GTF2IRD1: variants seen among roughly 807,000 people sequenced by gnomAD.
GTF2IRD1 encodes the protein general transcription factor II-I repeat domain-containing protein 1.
In GTF2IRD1, 26 loss-of-function variants were observed where a neutral mutation model predicts 113.2. The observed-to-expected ratio is 0.23, with a 90% CI of 0.17 to 0.32. The LOEUF (loss-of-function observed/expected upper bound fraction) is 0.32. GTF2IRD1 is among the 10% of genes least tolerant of loss of function. GTF2IRD1 has a pLI of 1.00. For missense variants in GTF2IRD1, 864 were observed against 1,280.8 expected, an observed-to-expected ratio of 0.67 and a Z score of 4.97; for synonymous variants, 484 against 529.1, an observed-to-expected ratio of 0.91 and a Z score of 1.17.
chr7:74,561,091 G>A (rs2130796299), intron 22 of GTF2IRD1, among the ~76,000 whole-genome samples: 1 of 151,856 alleles, frequency 6.6e-6, no homozygotes, highest in Admixed American at 6.6e-5. Context: ...GCTCACACCT[G>A]TAATCCCAGC....
intron 17 of GTF2IRD1, among the ~76,000 whole-genome samples, chr7:74,552,864 C>T (rs587685080): frequency 1.3e-5 from 2 of 152,182 alleles, no homozygotes; most frequent in South Asian, 4.1e-4. Flanking sequence ...GACAGAGTCT[C>T]ACTCACTCTA....
intron 1 of GTF2IRD1, among the ~76,000 whole-genome samples, chr7:74,500,953 C>A (rs1459019523): frequency 6.6e-6 from 1 of 152,020 alleles, no homozygotes; most frequent in Non-Finnish European, 1.5e-5. Flanking sequence ...ACTCCTGCTT[C>A]TTTATGTATG....
intron 1 of GTF2IRD1, among the ~76,000 whole-genome samples, chr7:74,495,313 A>G (rs1296788630): frequency 6.6e-6 from 1 of 152,160 alleles, no homozygotes; most frequent in African/African-American, 2.4e-5. Flanking sequence ...GGACAGCCCC[A>G]GAATCTGACT....
At chr7:74,509,964 T>G (rs1796531343) in intron 2 of GTF2IRD1, among the ~76,000 whole-genome samples, 1 of 152,094 alleles carries the variant, frequency 6.6e-6, no homozygotes, top group Admixed American at 6.6e-5. Context: ...CGTGAGCCAC[T>G]GCGCCTGGCC....
chr7:74,599,021 G>A (rs1265655773), intron 25 of GTF2IRD1, among the ~76,000 whole-genome samples: 2 of 152,100 alleles, frequency 1.3e-5, no homozygotes, highest in African/African-American at 4.8e-5. Context: ...TGGGCTGAGT[G>A]CAGTGGCTCA....
chr7:74,587,638 G>A (rs1562894812), intron 22 of GTF2IRD1, among the ~76,000 whole-genome samples: 1 of 151,984 alleles, frequency 6.6e-6, no homozygotes, highest in Non-Finnish European at 1.5e-5. Context: ...GAGATTTCCT[G>A]TTGGACATGC....
At chr7:74,465,209 G>A (rs546688910) in intron 1 of GTF2IRD1, among the ~76,000 whole-genome samples, 25 of 152,308 alleles carry the variant, frequency 1.6e-4, no homozygotes, top group African/African-American at 5.8e-4. Flanking sequence ...CCAGCTGTGG[G>A]TGCAGCCCTC....
intron 22 of GTF2IRD1, among the ~76,000 whole-genome samples, chr7:74,569,561 G>A (rs1800562422): frequency 6.6e-6 from 1 of 152,296 alleles, no homozygotes. Context: ...TTATTTTGTG[G>A]CACTGGCGGT....
intron 1 of GTF2IRD1, among the ~76,000 whole-genome samples, chr7:74,471,682 A>AC (rs1479721948): frequency 1.4e-5 from 1 of 70,586 alleles, no homozygotes; most frequent in Non-Finnish European, 2.9e-5. Flanking sequence ...TAAAAAAAAA[A>AC]AAAAAAACAA....
chr7:74,518,211 C>T lies in GTF2IRD1; in HGVS notation c.494C>T (p.Ala165Val), dbSNP rs782445255. 9.9e-6 allele frequency: 16 copies of T among 1,610,824 alleles called. No homozygotes were observed. The highest frequency in any genetic ancestry group is 2.7e-5 in the African/African-American group (2 of 74,902). The change falls in exon 5 of 27, where the codon GCC (alanine) becomes GTC (valine). Residue 165 changes from alanine to valine, a missense_variant. Ala to Val is a moderately conservative substitution (Grantham distance 64). Coordinates refer to ENST00000424337, the MANE Select transcript of GTF2IRD1 (RefSeq NM_005685.4). ...CTGCTCAGGGAGCCAGGGCTGCTGGCCGTGCAGGGGCTGCCCGAAGGCCTG... is the reference window on the plus strand; with the variant it reads ...CTGCTCAGGGAGCCAGGGCTGCTGGTCGTGCAGGGGCTGCCCGAAGGCCTG... The part of the protein sequence containing the change: ...ERLLREPGLL[A>V]VQGLPEGLAF...
At position 74,519,406 on chromosome 7, in the gene GTF2IRD1, C is replaced by T; in HGVS notation, c.606-3C>T. On this transcript the variant is annotated splice_region_variant and splice_polypyrimidine_tract_variant and intron_variant, in intron 5 of 26. Transcript: ENST00000424337. ...CTGTCCATGTGTCCTCTCCTTTACT[C>T]AGGCCACTTGAGGATGGCGGGCGGG... 1 of 1,519,620 alleles carries T rather than the reference C, an allele frequency of 6.6e-7. No homozygotes were observed. Among genetic ancestry groups the T allele is most frequent in the Non-Finnish European group, 8.8e-7 (1 of 1,133,764 alleles). The allele number at this position is 1,519,620 out of a possible 1,614,324, so 94.1% of individuals were successfully genotyped here.
intron 16 of GTF2IRD1, 147 bp from the exon 17 acceptor site, chr7:74,546,956 G>A: frequency 1.4e-6 from 1 of 710,078 alleles, no homozygotes; most frequent in Admixed American, 2.4e-5. Flanking sequence ...GCAGGCTGGG[G>A]GGCCACTCTT....
At chr7:74,526,844 G>A (rs587610258) in intron 8 of GTF2IRD1, among the ~76,000 whole-genome samples, 14 of 152,282 alleles carry the variant, frequency 9.2e-5, no homozygotes, top group Non-Finnish European at 1.5e-4. Flanking sequence ...TTGAGATTTC[G>A]AAGGTTTCAT....
At chr7:74,474,729 T>C (rs1027982128) in intron 1 of GTF2IRD1, among the ~76,000 whole-genome samples, 5 of 152,184 alleles carry the variant, frequency 3.3e-5, no homozygotes, top group Non-Finnish European at 7.3e-5. Context: ...GCAGCACAGC[T>C]CCTGCCACTG....
At chr7:74,475,838 C>T (rs1461532588) in intron 1 of GTF2IRD1, among the ~76,000 whole-genome samples, 2 of 152,172 alleles carry the variant, frequency 1.3e-5, no homozygotes, top group Non-Finnish European at 2.9e-5. Context: ...AGTCACCCGC[C>T]GGGGTGACGG....
Position 74,487,033 on chromosome 7 carries a change from A to G in GTF2IRD1, c.-6-21042A>G, listed in dbSNP as rs200591762. Among the ~76,000 whole-genome samples the G allele has an allele frequency of 7.2e-5, 11 of 152,148 alleles. No individual in the cohort carries two copies. The East Asian group carries it at 1.7e-3, about 24-fold the overall frequency. On this transcript the variant is annotated intron_variant, in intron 1 of 26. Transcript: ENST00000424337. ...GTGATGTAGATGAGAGAATTACAAG[A>G]TAACTTTTCTTTTCTTTTTTCCTTT...
chr7:74,455,439 A>C (rs1348022445), intron 1 of GTF2IRD1, among the ~76,000 whole-genome samples: 1 of 152,216 alleles, frequency 6.6e-6, no homozygotes. Context: ...ACTCCTTGGC[A>C]CTGGCCCGGG....
chr7:74,492,418 C>T (rs782667766), intron 1 of GTF2IRD1, among the ~76,000 whole-genome samples: 95 of 152,098 alleles, frequency 6.2e-4, no homozygotes, highest in Admixed American at 3.9e-3. Flanking sequence ...GATCTGCCCA[C>T]CTTGGCCTCC....
intron 24 of GTF2IRD1, among the ~76,000 whole-genome samples, chr7:74,594,683 T>G (rs1263344928): frequency 1.3e-5 from 2 of 152,194 alleles, no homozygotes; most frequent in Non-Finnish European, 2.9e-5. Context: ...CCGGGCGCGA[T>G]GGCTCATGCC....
Sources: allele counts gnomAD v4.1 joint callset (sites outside exome capture counted in the v4.1 genomes callset), GRCh38; gene constraint gnomAD v4.1.1; transcripts MANE v1.5; gene names NCBI Gene and HGNC (gene_info 2026-07-23, HGNC 2026-07-21).